LDAH: variants seen among roughly 807,000 people sequenced by gnomAD.
LDAH encodes lipid droplet-associated hydrolase.
A neutral mutation model predicts 29.6 loss-of-function variants in LDAH; 26 were observed. The ratio of observed to expected loss-of-function variants is 0.88; its 90% confidence interval spans 0.64 to 1.22. The LOEUF is 1.22. Ranked by LOEUF, LDAH falls within the 50% of genes most tolerant of loss-of-function variation. LDAH has a pLI of 0.00. For synonymous variants in LDAH, 117 were observed against 133.0 expected (o/e 0.88, Z 0.83); for missense variants, 344 against 387.3 (o/e 0.89, Z 0.94).
chr2:20,803,077 T>C (rs1013494034), intron 1 of LDAH, among the ~76,000 whole-genome samples: 4 of 152,190 alleles, frequency 2.6e-5, no homozygotes, highest in Non-Finnish European at 5.9e-5. Context: ...TGGAGATTAT[T>C]TTCCATTGTC....
chr2:20,773,584 A>T (rs1669578313), intron 4 of LDAH, among the ~76,000 whole-genome samples: 1 of 152,224 alleles, frequency 6.6e-6, no homozygotes, highest in East Asian at 1.9e-4. Context: ...TAATACAGAG[A>T]ACAGAGTACA....
intron 5 of LDAH, among the ~76,000 whole-genome samples, chr2:20,732,787 A>G (rs1572501761): frequency 6.6e-6 from 1 of 151,718 alleles, no homozygotes; most frequent in African/African-American, 2.4e-5. Flanking sequence ...TTTCTTTGTC[A>G]GTCTTGCTAG....
chr2:20,761,870 AAGAG>A (rs543777598), intron 4 of LDAH, among the ~76,000 whole-genome samples: 54 of 152,236 alleles, frequency 3.5e-4, no homozygotes, highest in African/African-American at 1.0e-3. Flanking sequence ...AAGAAAAAAA[AAGAG>A]AGAGAAAAAT....
chr2:20,774,600 C>T (rs1206069766), intron 4 of LDAH, among the ~76,000 whole-genome samples: 2 of 152,304 alleles, frequency 1.3e-5, no homozygotes, highest in Admixed American at 1.3e-4. Flanking sequence ...AACTTCTTAT[C>T]TCCCTCAGCA....
At chr2:20,744,744 A>T (rs1234129664) in intron 4 of LDAH, among the ~76,000 whole-genome samples, 1 of 152,228 alleles carries the variant, frequency 6.6e-6, no homozygotes, top group Non-Finnish European at 1.5e-5. Context: ...AATTGAGCTC[A>T]TGTAGGTAAG....
intron 5 of LDAH, among the ~76,000 whole-genome samples, chr2:20,717,958 T>C (rs1384631410): frequency 6.6e-6 from 1 of 152,222 alleles, no homozygotes; most frequent in African/African-American, 2.4e-5. Flanking sequence ...AGCTTAGTTA[T>C]AGGTAACTTC....
intron 5 of LDAH, among the ~76,000 whole-genome samples, chr2:20,717,678 A>G (rs778536414): frequency 2.4e-4 from 36 of 152,214 alleles, no homozygotes; most frequent in Non-Finnish European, 4.1e-4. Context: ...TTTTTGTAAC[A>G]TCAGAAATTC....
intron 2 of LDAH, 24 bp downstream of exon 2, chr2:20,801,286 C>T (rs1403124798): frequency 6.2e-7 from 1 of 1,600,896 alleles, no homozygotes; most frequent in Admixed American, 1.8e-5. Context: ...CAAAAAGTCT[C>T]CTCACCCAGA....
Position 20,684,502 on chromosome 2 carries a change from G to A in LDAH, c.*2401C>T, listed in dbSNP as rs2419. ...CGATCTTCCCAGCTCATCCTCCCAA[G>A]GTGCTGGGATCACAGGTGTGAGCTA... On this transcript the variant is annotated 3_prime_UTR_variant, in exon 7 of 7. Coordinates refer to ENST00000237822, the MANE Select transcript of LDAH (RefSeq NM_021925.4). 58,828 of 160,258 alleles carry A rather than the reference G, an allele frequency of 0.37. 11,158 individuals are homozygous for A. Among genetic ancestry groups the A allele is most frequent in the East Asian group, 0.52 (3,021 of 5,790 alleles). The allele number at this position is 160,258 out of a possible 1,614,324, so 9.9% of individuals were successfully genotyped here.
At chr2:20,806,174 A>G (rs1201291162) in intron 1 of LDAH, among the ~76,000 whole-genome samples, 10 of 152,208 alleles carry the variant, frequency 6.6e-5, no homozygotes, top group Admixed American at 1.3e-4. Flanking sequence ...AAGAGGTAAT[A>G]AGATGGTTTT....
chr2:20,773,518 C>T (rs1669574010), intron 4 of LDAH, among the ~76,000 whole-genome samples: 1 of 152,168 alleles, frequency 6.6e-6, no homozygotes, highest in South Asian at 2.1e-4. Flanking sequence ...AAAATAAAGC[C>T]TGCATTCTGA....
intron 5 of LDAH, among the ~76,000 whole-genome samples, chr2:20,738,935 T>C (rs987358354): frequency 2.6e-5 from 4 of 152,224 alleles, no homozygotes; most frequent in Non-Finnish European, 4.4e-5. Context: ...TTAATACAGC[T>C]GAGCATGGAA....
intron 4 of LDAH, among the ~76,000 whole-genome samples, chr2:20,747,626 T>A (rs1667665717): frequency 6.6e-6 from 1 of 152,176 alleles, no homozygotes; most frequent in Non-Finnish European, 1.5e-5. Flanking sequence ...ATTTACTAAG[T>A]ATGCAGTTTA....
At chr2:20,815,099 A>T (rs1345995282) in intron 1 of LDAH, among the ~76,000 whole-genome samples, 1 of 152,202 alleles carries the variant, frequency 6.6e-6, no homozygotes, top group African/African-American at 2.4e-5. Flanking sequence ...AAATGTTTTA[A>T]AAAGTAAGAA....
chr2:20,754,165 A>G (rs746847013), intron 4 of LDAH, among the ~76,000 whole-genome samples: 3 of 152,066 alleles, frequency 2.0e-5, no homozygotes, highest in Non-Finnish European at 4.4e-5. Flanking sequence ...GTGCCTCCCC[A>G]TAGACTCTTT....
intron 5 of LDAH, among the ~76,000 whole-genome samples, chr2:20,735,671 G>A (rs1336406550): frequency 6.6e-6 from 1 of 151,992 alleles, no homozygotes; most frequent in East Asian, 1.9e-4. Flanking sequence ...TGGACAGTTT[G>A]AGTATTATGT....
chr2:20,821,859 G>A (rs927226816), intron 1 of LDAH, among the ~76,000 whole-genome samples: 1 of 152,094 alleles, frequency 6.6e-6, no homozygotes, highest in African/African-American at 2.4e-5. Flanking sequence ...AATTTTAGAT[G>A]GGCACCCACT....
chr2:20,741,494 T>C (rs1667173203), intron 4 of LDAH, among the ~76,000 whole-genome samples: 1 of 152,234 alleles, frequency 6.6e-6, no homozygotes, highest in Non-Finnish European at 1.5e-5. Flanking sequence ...GTTCAGTTGT[T>C]CCAGCATCAT....
At chr2:20,692,718 T>C (rs1053840873) in intron 6 of LDAH, among the ~76,000 whole-genome samples, 7 of 152,188 alleles carry the variant, frequency 4.6e-5, no homozygotes. Flanking sequence ...TCAATACAAC[T>C]TGAAATGTTT....
Sources: allele counts gnomAD v4.1 joint callset (sites outside exome capture counted in the v4.1 genomes callset), GRCh38; gene constraint gnomAD v4.1.1; transcripts MANE v1.5; gene names NCBI Gene and HGNC (gene_info 2026-07-23, HGNC 2026-07-21).